SGK3: variants seen among roughly 807,000 people sequenced by gnomAD.
SGK3 encodes serine/threonine-protein kinase Sgk3.
SGK3 carries 47 observed loss-of-function variants against 68.5 expected under a neutral mutation model. The ratio of observed to expected loss-of-function variants is 0.69; its 90% CI spans 0.54 to 0.87. The LOEUF is 0.87. Ranked by LOEUF, SGK3 falls within the 40% of genes least tolerant of loss-of-function variation. The pLI, the probability that SGK3 is intolerant of heterozygous loss-of-function variation, is 0.00. For synonymous variants in SGK3, 181 were observed against 189.1 expected, an observed-to-expected ratio of 0.96 and a Z score of 0.35; for missense variants, 479 against 575.5, an observed-to-expected ratio of 0.83 and a Z score of 1.72.
At chr8:66,787,978 C>T (rs1339182432) in intron 1 of SGK3, among the ~76,000 whole-genome samples, 3 of 152,192 alleles carry the variant, frequency 2.0e-5, no homozygotes, top group Non-Finnish European at 4.4e-5. Flanking sequence ...GATTTCCCTT[C>T]ACCCCTCTCT....
intron 13 of SGK3, among the ~76,000 whole-genome samples, chr8:66,843,079 A>G (rs1327280734): frequency 6.6e-6 from 1 of 152,194 alleles, no homozygotes; most frequent in African/African-American, 2.4e-5. Context: ...TCAAAAAAAC[A>G]AAAAAATTAT....
At chr8:66,729,471 G>GA (rs112477356) in intron 1 of SGK3, among the ~76,000 whole-genome samples, 15 of 144,976 alleles carry the variant, frequency 1.0e-4, no homozygotes, top group East Asian at 4.1e-4. Flanking sequence ...AAAGAAAAAA[G>GA]AAAAAAAAAA....
intron 5 of SGK3, among the ~76,000 whole-genome samples, chr8:66,816,000 A>T (rs571376538): frequency 6.6e-6 from 1 of 152,106 alleles, no homozygotes; most frequent in South Asian, 2.1e-4. Flanking sequence ...AGAGTTTTTT[A>T]AACTTAATTT....
At chr8:66,816,773 G>A (rs1585760319) in intron 5 of SGK3, among the ~76,000 whole-genome samples, 2 of 152,334 alleles carry the variant, frequency 1.3e-5, no homozygotes, top group African/African-American at 4.8e-5. Context: ...CAGTCAGCAA[G>A]TGTATCTTGA....
chr8:66,738,140 C>A, intron 1 of SGK3, among the ~76,000 whole-genome samples: 1 of 152,106 alleles, frequency 6.6e-6, no homozygotes, highest in East Asian at 1.9e-4. Context: ...ACCCAGAAAC[C>A]TGAGAGGCAT....
At chr8:66,812,526 C>T (rs1227778916) in intron 4 of SGK3, among the ~76,000 whole-genome samples, 2 of 151,698 alleles carry the variant, frequency 1.3e-5, no homozygotes, top group Non-Finnish European at 2.9e-5. Flanking sequence ...CCACTGCACT[C>T]CAGCCTGGGT....
chr8:66,795,015 G>A (rs993788543), intron 2 of SGK3, among the ~76,000 whole-genome samples: 2 of 152,164 alleles, frequency 1.3e-5, no homozygotes, highest in African/African-American at 4.8e-5. Flanking sequence ...GCCCCCTGAG[G>A]CTCTGACATG....
chr8:66,856,932 GA>G (rs1810535920), intron 16 of SGK3, among the ~76,000 whole-genome samples: 1 of 151,888 alleles, frequency 6.6e-6, no homozygotes, highest in Non-Finnish European at 1.5e-5. Context: ...GTCTCTACTA[GA>G]AATACAAAAA....
chr8:66,816,495 G>A (rs779157720), intron 5 of SGK3, among the ~76,000 whole-genome samples: 5 of 151,238 alleles, frequency 3.3e-5, no homozygotes, highest in South Asian at 2.1e-4. Context: ...ACAGGTGCGC[G>A]CCACCACGCC....
chr8:66,843,588 T>C (rs1809881414), intron 14 of SGK3, 41 bp downstream of exon 14: 2 of 1,575,342 alleles, frequency 1.3e-6, no homozygotes, highest in Non-Finnish European at 1.7e-6. Context: ...GTATTATCAT[T>C]GATTTGATTG....
At chr8:66,717,943 C>T (rs144080038) in intron 1 of SGK3, among the ~76,000 whole-genome samples, 8 of 152,280 alleles carry the variant, frequency 5.3e-5, no homozygotes, top group African/African-American at 1.9e-4. Context: ...CTCAGTTATC[C>T]ACCCGCCTTG....
Position 66,840,129 on chromosome 8 carries a change from A to T in SGK3, c.854+14A>T. The T allele has an allele frequency of 6.2e-7, 1 of 1,607,672 alleles. No homozygotes were observed. The highest frequency in any genetic ancestry group is 1.7e-4 in the Middle Eastern group (1 of 6,032). ...AATAGTATACAGGTACAATTTTAAA[A>T]TATACTTGTAAAAATTGTATATAAC... On this transcript the variant is annotated intron_variant, in intron 11 of 16. Transcript: ENST00000521198.
rs546816973 is a variant in SGK3, at chr8:66,715,343, C to T, written c.-122+2510C>T. Among the ~76,000 whole-genome samples, 4 of 152,176 alleles carry T rather than the reference C, an allele frequency of 2.6e-5. No individual in the cohort carries two copies. In the East Asian group the frequency reaches 7.7e-4, roughly 29 times the overall value. The stretch of plus-strand genomic sequence containing the variant: ...CGCAGCCTAGGCTCACTGCAACCTC[C>T]GCCTCCCGGGTTCAAGCGATTCTCC... On this transcript the variant is annotated intron_variant, in intron 1 of 16. Transcript: ENST00000521198.
intron 1 of SGK3, among the ~76,000 whole-genome samples, chr8:66,743,071 C>G (rs1217133350): frequency 6.6e-6 from 1 of 152,178 alleles, no homozygotes; most frequent in African/African-American, 2.4e-5. Context: ...CACCAATTCT[C>G]TACTCCAGAA....
rs530998200 is a variant in SGK3 at position 66,730,766 on chromosome 8, C to T, written c.-122+17933C>T. ...GGTCTCAGCTCACTGCAGCCTCCCC[C>T]TCCCATGTTCAAGCAATTCTCCTGC... On this transcript the variant is annotated intron_variant, in intron 1 of 16. Coordinates refer to ENST00000521198, the MANE Select transcript of SGK3 (RefSeq NM_001033578.3). Among the ~76,000 whole-genome samples, 164 of 152,234 alleles carry T rather than the reference C, an allele frequency of 1.1e-3. 1 individual carries two copies. The highest frequency in any genetic ancestry group is 3.8e-3 in the African/African-American group (157 of 41,532).
chr8:66,809,177 T>G (rs1470662213), intron 4 of SGK3, among the ~76,000 whole-genome samples: 2 of 152,140 alleles, frequency 1.3e-5, no homozygotes, highest in African/African-American at 4.8e-5. Context: ...ATTTATTTTT[T>G]TACCTTAGTA....
At chr8:66,777,388 G>A (rs929057324) in intron 1 of SGK3, among the ~76,000 whole-genome samples, 3 of 152,186 alleles carry the variant, frequency 2.0e-5, no homozygotes, top group African/African-American at 7.2e-5. Flanking sequence ...CACACAGGAG[G>A]TACCGAATTC....
At chr8:66,718,704 T>A (rs1804713567) in intron 1 of SGK3, among the ~76,000 whole-genome samples, 1 of 151,926 alleles carries the variant, frequency 6.6e-6, no homozygotes, top group South Asian at 2.1e-4. Context: ...AATTTTGTAT[T>A]TTTAGTTGAG....
At chr8:66,753,751 G>A (rs1419196968) in intron 1 of SGK3, among the ~76,000 whole-genome samples, 2 of 152,078 alleles carry the variant, frequency 1.3e-5, no homozygotes, top group South Asian at 4.1e-4. Flanking sequence ...ACCTGGGAGC[G>A]GAGGTTGCAG....
Sources: gnomAD v4.1 joint callset for allele counts (sites outside exome capture counted in the v4.1 genomes callset) on GRCh38, gnomAD v4.1.1 for gene constraint, MANE v1.5 for transcripts, NCBI Gene and HGNC (gene_info 2026-07-23, HGNC 2026-07-21) for gene names.